Variants in LRMDA observed in about 807,000 individuals in gnomAD.
The protein encoded by LRMDA is leucine rich melanocyte differentiation associated.
LRMDA carries 18 observed loss-of-function variants against 29.8 expected under a neutral mutation model. That is an observed-to-expected ratio of 0.60 (90% CI 0.42 to 0.90). LRMDA has a LOEUF of 0.90. LRMDA is among the 40% of genes least tolerant of loss of function. The probability of loss-of-function intolerance (pLI) is 0.00; values close to 1 mark genes in which losing one functional copy is unlikely to be tolerated. For synonymous variants in LRMDA, 125 were observed against 109.4 expected (o/e 1.14, Z -0.89); for missense variants, 273 against 273.9 (o/e 1.00, Z 0.02).
chr10:75,526,823 C>T (rs1375026049), intron 2 of LRMDA, among the ~76,000 whole-genome samples: 2 of 150,698 alleles, frequency 1.3e-5, no homozygotes, highest in African/African-American at 4.9e-5. Context: ...CATACCACTG[C>T]ACTCCAGCCT....
chr10:76,021,340 A>G (rs567772031), intron 2 of LRMDA, among the ~76,000 whole-genome samples: 2 of 152,224 alleles, frequency 1.3e-5, no homozygotes, highest in South Asian at 4.1e-4. Context: ...ACACTACTCA[A>G]TCTTTCTGCA....
intron 2 of LRMDA, among the ~76,000 whole-genome samples, chr10:75,826,964 G>C (rs922333830): frequency 6.6e-6 from 1 of 151,990 alleles, no homozygotes; most frequent in African/African-American, 2.4e-5. Flanking sequence ...TACTTTTTTT[G>C]TGTTTCTGTG....
chr10:76,152,643 C>T (rs1850466078), intron 5 of LRMDA, among the ~76,000 whole-genome samples: 1 of 152,166 alleles, frequency 6.6e-6, no homozygotes, highest in Non-Finnish European at 1.5e-5. Context: ...CACATTTCCA[C>T]TAGCAATACA....
chr10:75,916,636 G>A (rs1376065799), intron 2 of LRMDA, among the ~76,000 whole-genome samples: 3 of 152,148 alleles, frequency 2.0e-5, no homozygotes, highest in Non-Finnish European at 4.4e-5. Flanking sequence ...ATTAATTTTA[G>A]CATACAGTGA....
At chr10:75,841,824 C>A (rs1844545911) in intron 2 of LRMDA, among the ~76,000 whole-genome samples, 1 of 152,282 alleles carries the variant, frequency 6.6e-6, no homozygotes, top group South Asian at 2.1e-4. Flanking sequence ...CAGAACTGAT[C>A]TTGGTCTCCA....
chr10:75,798,368 G>A (rs942361431), intron 2 of LRMDA, among the ~76,000 whole-genome samples: 2 of 151,994 alleles, frequency 1.3e-5, no homozygotes, highest in Non-Finnish European at 2.9e-5. Context: ...TGCTTTTGGT[G>A]TTACATATAA....
chr10:76,526,332 T>C (rs1843173980), intron 6 of LRMDA, among the ~76,000 whole-genome samples: 1 of 152,184 alleles, frequency 6.6e-6, no homozygotes, highest in Admixed American at 6.5e-5. Flanking sequence ...TGTCTTTCTG[T>C]CCTACTACCT....
intron 2 of LRMDA, among the ~76,000 whole-genome samples, chr10:75,884,245 TTGTGTGTGTGTGTGTGTGTGTG>T (rs57507869): frequency 1.8e-5 from 2 of 109,510 alleles, no homozygotes; most frequent in Non-Finnish European, 3.7e-5. Flanking sequence ...GCAGGCGACT[TTGTGTGTGTGTGTGTGTGTGTG>T]TGTGTGTGTG....
intron 6 of LRMDA, among the ~76,000 whole-genome samples, chr10:76,344,765 T>A (rs1841081541): frequency 6.6e-6 from 1 of 152,084 alleles, no homozygotes; most frequent in South Asian, 2.1e-4. Context: ...GGTAAAGTAG[T>A]ATCTTAAATA....
intron 2 of LRMDA, among the ~76,000 whole-genome samples, chr10:75,626,539 G>C (rs998649967): frequency 1.3e-5 from 2 of 152,248 alleles, no homozygotes; most frequent in African/African-American, 4.8e-5. Context: ...TGCTAGGGAG[G>C]GGAAGGTCCT....
intron 2 of LRMDA, among the ~76,000 whole-genome samples, chr10:75,468,046 TAG>T (rs1844678529): frequency 6.7e-6 from 1 of 150,076 alleles, no homozygotes; most frequent in Admixed American, 6.7e-5. Context: ...AAATGGCTGA[TAG>T]TGGTATAATA....
At chr10:75,600,711 C>G (rs1840873486) in intron 2 of LRMDA, among the ~76,000 whole-genome samples, 1 of 152,082 alleles carries the variant, frequency 6.6e-6, no homozygotes, top group African/African-American at 2.4e-5. Context: ...TGCATGTGAC[C>G]ACCTATTTGT....
intron 2 of LRMDA, among the ~76,000 whole-genome samples, chr10:75,631,411 C>T (rs2059999): frequency 0.48 from 72,175 of 151,608 alleles, 19,525 homozygotes; most frequent in Non-Finnish European, 0.6. Context: ...GCACCCCCCC[C>T]GCCCCGCCAC....
intron 2 of LRMDA, among the ~76,000 whole-genome samples, chr10:75,859,485 A>G (rs748917953): frequency 6.6e-6 from 1 of 152,040 alleles, no homozygotes; most frequent in Non-Finnish European, 1.5e-5. Flanking sequence ...ATAATTTCAC[A>G]TATGTATTGT....
chr10:76,448,665 A>G (rs1263683452), intron 6 of LRMDA, among the ~76,000 whole-genome samples: 1 of 151,726 alleles, frequency 6.6e-6, no homozygotes, highest in Non-Finnish European at 1.5e-5. Context: ...GAGACTCTAG[A>G]TTCCTCTCCT....
At chr10:75,558,162 T>A (rs1490606574) in intron 2 of LRMDA, among the ~76,000 whole-genome samples, 1 of 151,880 alleles carries the variant, frequency 6.6e-6, no homozygotes, top group Non-Finnish European at 1.5e-5. Context: ...ATGATTTTTT[T>A]TTTTTTTTTT....
chr10:75,640,980 G>A (rs913762147), intron 2 of LRMDA, among the ~76,000 whole-genome samples: 38 of 152,224 alleles, frequency 2.5e-4, no homozygotes, highest in African/African-American at 8.7e-4. Flanking sequence ...GTGATTGCAG[G>A]GCCCTGGTGA....
At chr10:76,299,601 T>TCC (rs779518337) in intron 5 of LRMDA, among the ~76,000 whole-genome samples, 4 of 117,226 alleles carry the variant, frequency 3.4e-5, no homozygotes, top group Non-Finnish European at 7.2e-5. Context: ...CCCCCTTCCT[T>TCC]TCTTTTTTTT....
At chr10:76,472,968 A>C (rs889928927) in intron 6 of LRMDA, among the ~76,000 whole-genome samples, 1 of 151,632 alleles carries the variant, frequency 6.6e-6, no homozygotes, top group Non-Finnish European at 1.5e-5. Flanking sequence ...GTAAATGTTA[A>C]TTCTTCACAA....
Sources: allele counts gnomAD v4.1 joint callset (sites outside exome capture counted in the v4.1 genomes callset), GRCh38; gene constraint gnomAD v4.1.1; transcripts MANE v1.5; gene names NCBI Gene and HGNC (gene_info 2026-07-23, HGNC 2026-07-21).